SLC43A2: variants seen among roughly 807,000 people sequenced by gnomAD.
SLC43A2 encodes the protein large neutral amino acids transporter small subunit 4.
A neutral mutation model predicts 63.2 loss-of-function variants in SLC43A2; 38 were observed. The ratio of observed to expected loss-of-function variants is 0.60; its 90% CI spans 0.46 to 0.79. The LOEUF (loss-of-function observed/expected upper bound fraction) is 0.79, where lower values mean the gene tolerates loss of function less well. Ranked by LOEUF, SLC43A2 falls within the 30% of genes least tolerant of loss-of-function variation. The probability of loss-of-function intolerance (pLI) is 0.00; values close to 1 mark genes in which losing one functional copy is unlikely to be tolerated. For synonymous variants in SLC43A2, 322 were observed against 331.0 expected (o/e 0.97, Z 0.30); for missense variants, 644 against 756.2 (o/e 0.85, Z 1.74).
At chr17:1,625,137 G>T (rs1908555609) in intron 2 of SLC43A2, among the ~76,000 whole-genome samples, 1 of 152,162 alleles carries the variant, frequency 6.6e-6, no homozygotes, top group Non-Finnish European at 1.5e-5. Flanking sequence ...GCCAACACCT[G>T]GAGGACGTTG....
chr17:1,583,446 G>A lies in SLC43A2; in HGVS notation c.1218-110C>T. On this transcript the variant is annotated intron_variant, in intron 10 of 13. Coordinates refer to ENST00000301335, the MANE Select transcript of SLC43A2 (RefSeq NM_152346.3). This position sits in a 1 kb window ranked among gnomAD's most constrained non-coding sequence, Gnocchi z 5.5. ...AGCAGGTAAACTGACGCAAGACTCA[G>A]AAGCCACCCAGGCACGTTTTAGGGA... 1 of 1,542,032 alleles carries A rather than the reference G, an allele frequency of 6.5e-7. No homozygotes were observed. Among genetic ancestry groups the A allele is most frequent in the Non-Finnish European group, 8.7e-7 (1 of 1,144,978 alleles).
intron 11 of SLC43A2, among the ~76,000 whole-genome samples, chr17:1,581,607 A>C (rs2076015355): frequency 6.6e-6 from 1 of 152,180 alleles, no homozygotes; most frequent in African/African-American, 2.4e-5. Context: ...ATCTGGACTC[A>C]GGCTACACCT....
In SLC43A2 at chr17:1,605,107, C is replaced by T. The variant is rs56106930; in HGVS notation, c.501+8088G>A. The T allele has an allele frequency of 4.9e-5, 65 of 1,337,824 alleles. No individual in the cohort carries two copies. The highest frequency in any genetic ancestry group is 6.2e-5 in the Non-Finnish European group (65 of 1,040,454). The allele number at this position is 1,337,824 out of a possible 1,614,324, so 82.9% of individuals were successfully genotyped here. On this transcript the variant is annotated intron_variant, in intron 5 of 13. Transcript: ENST00000301335. The surrounding 1 kb of genome is among the most constrained non-coding windows in gnomAD (Gnocchi z 4.9). ...AGGTGGGAGTGCAAGCCCCTCTTCCCGCCCTCAGGTGCTTCCCACAGCCCC... is the reference window on the plus strand; with the variant it reads ...AGGTGGGAGTGCAAGCCCCTCTTCCTGCCCTCAGGTGCTTCCCACAGCCCC...
In SLC43A2 at chr17:1,613,090, G is replaced by T. The variant is rs537167712; in HGVS notation, c.501+105C>A. The T allele has an allele frequency of 7.2e-5, 73 of 1,012,828 alleles. 2 individuals carry two copies. In the African/African-American group the frequency reaches 9.7e-4, roughly 13 times the overall value. 62.7% of individuals were successfully genotyped at this position (1,012,828 alleles called of 1,614,324 possible). Reference sequence around the variant, plus strand: ...CCCCTCTACTGTTTGGGACACCCAGGCACATGCAGGCACATGGAAGGCAAG... The same window carrying T: ...CCCCTCTACTGTTTGGGACACCCAGTCACATGCAGGCACATGGAAGGCAAG... On this transcript the variant is annotated intron_variant, in intron 5 of 13. Transcript: ENST00000301335.
chr17:1,602,607 C>T (rs1344049572), intron 5 of SLC43A2, among the ~76,000 whole-genome samples: 2 of 151,838 alleles, frequency 1.3e-5, no homozygotes, highest in East Asian at 1.9e-4. Context: ...GATTGTGCCA[C>T]TGCACTCCAG....
In SLC43A2 at chr17:1,627,902, G is replaced by A. The variant is rs753855231; in HGVS notation, c.-28C>T. On this transcript the variant is annotated 5_prime_UTR_variant, in exon 2 of 14. Transcript: ENST00000301335. Reference sequence around the variant, plus strand: ...TGCGGCGCGGCGCGGCTCCGGCTCCGGCTCCGGCTCTGCACCACCTGCGCA... The same window carrying A: ...TGCGGCGCGGCGCGGCTCCGGCTCCAGCTCCGGCTCTGCACCACCTGCGCA... 1.3e-5 allele frequency: 20 copies of A among 1,532,724 alleles called. No homozygotes were observed. The highest frequency in any genetic ancestry group is 1.3e-4 in the African/African-American group (9 of 71,726). 94.9% of individuals were successfully genotyped at this position (1,532,724 alleles called of 1,614,324 possible).
At chr17:1,588,127 C>T (rs767901624) in intron 9 of SLC43A2, among the ~76,000 whole-genome samples, 97 of 152,008 alleles carry the variant, frequency 6.4e-4, no homozygotes, top group East Asian at 1.4e-3. Context: ...GGCTGGGCAT[C>T]GTGGCTCACG....
At chr17:1,590,975 G>A (rs774308936) in intron 8 of SLC43A2, 27 bp from the exon 9 acceptor site, 7 of 1,547,382 alleles carry the variant, frequency 4.5e-6, no homozygotes. Context: ...CGGGGCTCAG[G>A]GCCGGGGCAC....
At position 1,573,138 on chromosome 17, in the gene SLC43A2, C is replaced by T. The variant is rs1346134149; in HGVS notation, c.*2466G>A. 3 of 142,156 alleles carry T rather than the reference C, an allele frequency of 2.1e-5. No individual in the cohort carries two copies. The highest frequency in any genetic ancestry group is 7.5e-5 in the Admixed American group (1 of 13,362). The allele number at this position is 142,156 out of a possible 1,614,324, so 8.8% of individuals were successfully genotyped here. A position where few individuals can be genotyped will look rare whatever the true frequency, so the allele number is the denominator to read the frequency against. ...CCGTGGTGAGCTATCAGTTGCACCA[C>T]TGCACTCCAGCCTGGATGGCAGAGC... On this transcript the variant is annotated 3_prime_UTR_variant, in exon 14 of 14. Coordinates refer to ENST00000301335, the MANE Select transcript of SLC43A2 (RefSeq NM_152346.3).
In SLC43A2 at chr17:1,569,741, G is replaced by A. The variant is rs1237221009; in HGVS notation, c.*5863C>T. 2 of 152,360 alleles carry A rather than the reference G, an allele frequency of 1.3e-5. No homozygotes were observed. Among genetic ancestry groups the A allele is most frequent in the Admixed American group, 6.6e-5 (1 of 15,258 alleles). 9.4% of individuals were successfully genotyped at this position (152,360 alleles called of 1,614,324 possible). The stretch of plus-strand genomic sequence containing the variant: ...AGCAGAAACTTGTCCACCAGTGATT[G>A]ATTATCTCGAGCAGCTATTTGGCCA... On this transcript the variant is annotated 3_prime_UTR_variant, in exon 14 of 14. Transcript: ENST00000301335.
intron 13 of SLC43A2, 95 bp downstream of exon 13, chr17:1,576,502 C>G: frequency 1.4e-6 from 2 of 1,406,406 alleles, no homozygotes; most frequent in Non-Finnish European, 1.9e-6. Context: ...CCCACATGTC[C>G]TCGGGGCCCT....
intron 5 of SLC43A2, chr17:1,604,583 G>A (rs1906405657): frequency 6.9e-6 from 5 of 726,996 alleles, no homozygotes; most frequent in South Asian, 3.5e-5. Context: ...AACACAGCAC[G>A]CTATTGTGCA....
chr17:1,576,628 A>G lies in SLC43A2; in HGVS notation c.1517T>C (p.Met506Thr), dbSNP rs1179534526. The change falls in exon 13 of 14, where the codon ATG (methionine) becomes ACG (threonine). Residue 506 changes from methionine to threonine, a missense_variant. This residue lies in a region of SLC43A2 where 105 missense variants were observed against 101.7 expected (regional missense o/e 1.03). Transcript: ENST00000301335. ...AGGGTCTCCCTGGAGAGGACCCATC[A>G]TGGCCAGAAACAGCGGCTGCTGCAG... ...ALLQQPLFLA[M>T]MGPLQGDPLW... The G allele has an allele frequency of 6.2e-7, 1 of 1,610,304 alleles. No individual in the cohort carries two copies. Among genetic ancestry groups the G allele is most frequent in the Non-Finnish European group, 8.5e-7 (1 of 1,179,934 alleles).
chr17:1,612,600 T>C (rs535763198), intron 5 of SLC43A2, among the ~76,000 whole-genome samples: 11 of 152,272 alleles, frequency 7.2e-5, no homozygotes, highest in Non-Finnish European at 1.5e-4. Context: ...GGCGGCAGCG[T>C]TTTGTCTTCC....
At chr17:1,594,936 G>A (rs912651183) in intron 5 of SLC43A2, among the ~76,000 whole-genome samples, 11 of 151,932 alleles carry the variant, frequency 7.2e-5, no homozygotes, top group Non-Finnish European at 1.5e-4. Context: ...AGTGGCTCAC[G>A]CCTGCAATCC....
intron 5 of SLC43A2, among the ~76,000 whole-genome samples, chr17:1,597,676 G>A (rs1482016236): frequency 2.6e-5 from 4 of 151,958 alleles, no homozygotes; most frequent in Non-Finnish European, 5.9e-5. Flanking sequence ...GCGGGCACCT[G>A]TAATCCCAGC....
intron 9 of SLC43A2, among the ~76,000 whole-genome samples, chr17:1,587,149 C>T (rs2076116779): frequency 6.6e-6 from 1 of 152,196 alleles, no homozygotes; most frequent in South Asian, 2.1e-4. Flanking sequence ...GGAGGCAGAG[C>T]TGCAGCCAGG....
chr17:1,587,078 A>ATTTCTCACACTGCG, intron 9 of SLC43A2: 1 of 313,372 alleles, frequency 3.2e-6, no homozygotes, highest in Non-Finnish European at 4.7e-6. Context: ...CACGCACTGC[A>ATTTCTCACACTGCG]TTTCCCACAC....
chr17:1,621,569 CTGGG>C (rs1908159929), intron 2 of SLC43A2, among the ~76,000 whole-genome samples: 1 of 152,216 alleles, frequency 6.6e-6, no homozygotes, highest in Non-Finnish European at 1.5e-5. Context: ...AGAGGCCGTC[CTGGG>C]CTGACCAGGG....
Sources: gnomAD v4.1 joint callset for allele counts (sites outside exome capture counted in the v4.1 genomes callset) on GRCh38, gnomAD v4.1.1 for gene constraint, gnomAD v4.1.1 regional missense constraint, Gnocchi (gnomAD v3.1) non-coding constraint, MANE v1.5 for transcripts, NCBI Gene and HGNC (gene_info 2026-07-23, HGNC 2026-07-21) for gene names.